The following TRAPPC9 variants were observed in gnomAD, a reference collection of about 807,000 sequenced individuals.
The protein encoded by TRAPPC9 is IKK2 binding protein.
In TRAPPC9, 83 loss-of-function variants were observed where a neutral mutation model predicts 124.0. The ratio of observed to expected loss-of-function variants is 0.67; its 90% CI spans 0.56 to 0.80. TRAPPC9 has a LOEUF of 0.80. TRAPPC9 is among the 30% of genes least tolerant of loss of function. The probability of loss-of-function intolerance (pLI) is 0.00; values close to 1 mark genes in which losing one functional copy is unlikely to be tolerated. For missense variants in TRAPPC9, 1,302 were observed against 1,508.3 expected (o/e 0.86, Z 2.27); for synonymous variants, 638 against 617.5 (o/e 1.03, Z -0.49).
intron 17 of TRAPPC9, among the ~76,000 whole-genome samples, chr8:140,181,822 G>A (rs999271666): frequency 6.6e-5 from 10 of 152,060 alleles, no homozygotes; most frequent in East Asian, 3.9e-4. Flanking sequence ...CTGTACACTC[G>A]TGCTCCACAG....
At chr8:140,442,860 C>T (rs984585944) in intron 2 of TRAPPC9, among the ~76,000 whole-genome samples, 5 of 151,896 alleles carry the variant, frequency 3.3e-5, no homozygotes, top group African/African-American at 7.3e-5. Context: ...TTGGGCCTGG[C>T]GAGGTGGCTC....
rs4736103 is a variant in TRAPPC9 at position 139,841,827 on chromosome 8, C to A, written c.3055+44052G>T. Among the ~76,000 whole-genome samples the A allele has an allele frequency of 1.0e-3, 157 of 152,322 alleles. 2 individuals carry two copies. The highest frequency in any genetic ancestry group is 8.8e-3 in the Admixed American group (135 of 15,306). On this transcript the variant is annotated intron_variant, in intron 21 of 22. Coordinates refer to ENST00000438773, the MANE Select transcript of TRAPPC9 (RefSeq NM_001160372.4). ...AAGGCCAAGTGACAGAGTTCCAGGA[C>A]GAAGCCACCACCCACTGGGGAGCAG... is the stretch of plus-strand genomic sequence containing the variant.
At chr8:140,332,585 A>T (rs1369232220) in intron 9 of TRAPPC9, among the ~76,000 whole-genome samples, 3 of 152,186 alleles carry the variant, frequency 2.0e-5, no homozygotes, top group African/African-American at 2.4e-5. Context: ...TACCACATAA[A>T]CATATACAAT....
At chr8:140,084,610 T>C (rs1002290157) in intron 17 of TRAPPC9, among the ~76,000 whole-genome samples, 5 of 152,222 alleles carry the variant, frequency 3.3e-5, no homozygotes, top group African/African-American at 1.2e-4. Context: ...TGAGTTCTTC[T>C]GCCCAAGAAC....
At chr8:139,963,995 C>A (rs1460557941) in intron 19 of TRAPPC9, among the ~76,000 whole-genome samples, 1 of 152,066 alleles carries the variant, frequency 6.6e-6, no homozygotes, top group East Asian at 1.9e-4. Context: ...GAGGCCGAGG[C>A]GGGTGGATCA....
chr8:140,083,183 A>T (rs1414695134), intron 17 of TRAPPC9, among the ~76,000 whole-genome samples: 1 of 132,190 alleles, frequency 7.6e-6, no homozygotes, highest in Admixed American at 8.0e-5. Context: ...ACAGAATGAG[A>T]CTCCATCTCA....
intron 20 of TRAPPC9, among the ~76,000 whole-genome samples, chr8:139,905,283 T>C (rs1036311455): frequency 6.6e-6 from 1 of 152,096 alleles, no homozygotes; most frequent in African/African-American, 2.4e-5. Context: ...ATCAGCAGGC[T>C]GATGTGGGCA....
intron 17 of TRAPPC9, among the ~76,000 whole-genome samples, chr8:140,042,521 C>T (rs1841338429): frequency 6.6e-6 from 1 of 152,170 alleles, no homozygotes; most frequent in South Asian, 2.1e-4. Flanking sequence ...ATTAGTTCCC[C>T]ACTTTTTCAG....
At chr8:139,863,771 T>G (rs1828332407) in intron 21 of TRAPPC9, among the ~76,000 whole-genome samples, 1 of 152,186 alleles carries the variant, frequency 6.6e-6, no homozygotes, top group Admixed American at 6.5e-5. Flanking sequence ...TCATCCCCAC[T>G]GGCTGTGTCT....
chr8:140,115,741 A>G (rs890029414), intron 17 of TRAPPC9, among the ~76,000 whole-genome samples: 9 of 152,078 alleles, frequency 5.9e-5, no homozygotes, highest in African/African-American at 1.7e-4. Flanking sequence ...CGAAGGGGAG[A>G]GCATACAGCC....
At position 139,825,593 on chromosome 8, in the gene TRAPPC9, T is replaced by G. The variant is rs1224416428; in HGVS notation, c.3055+60286A>C. Among the ~76,000 whole-genome samples, 3 of 152,202 alleles carry G rather than the reference T, an allele frequency of 2.0e-5. No individual in the cohort carries two copies. Among genetic ancestry groups the G allele is most frequent in the African/African-American group, 7.2e-5 (3 of 41,452 alleles). On this transcript the variant is annotated intron_variant, in intron 21 of 22. Transcript: ENST00000438773. This position sits in a 1 kb window ranked among gnomAD's most constrained non-coding sequence, Gnocchi z 4.6. ...AATGTTCCCAAGAAAAATGGAAATT[T>G]AATTTCCATAGTAAGTTCTGAGAAA... is the stretch of plus-strand genomic sequence containing the variant.
In TRAPPC9 at chr8:140,397,603, G is replaced by A; in HGVS notation, c.1134+17C>T. On this transcript the variant is annotated intron_variant, in intron 7 of 22. Transcript: ENST00000438773. ...AACTGGATGAACTCTTCCACTTACA[G>A]GTAGACATACACTCACCTGTCGAAG... The A allele has an allele frequency of 6.2e-7, 1 of 1,613,678 alleles. No individual in the cohort carries two copies. The highest frequency in any genetic ancestry group is 1.3e-5 in the African/African-American group (1 of 75,014).
Position 140,025,183 on chromosome 8 carries a change from G to C in TRAPPC9, c.2557-1104C>G, listed in dbSNP as rs988770144. Among the ~76,000 whole-genome samples, 4 of 152,336 alleles carry C rather than the reference G, an allele frequency of 2.6e-5. No individual in the cohort carries two copies. In the East Asian group the frequency reaches 7.7e-4, roughly 29 times the overall value. Reference sequence around the variant, plus strand: ...GGAATGTGGAGCCTGGGGGCACCCAGAGTAACCACAGCAACAAGAAGTTCA... The same window carrying C: ...GGAATGTGGAGCCTGGGGGCACCCACAGTAACCACAGCAACAAGAAGTTCA... On this transcript the variant is annotated intron_variant, in intron 17 of 22. Coordinates refer to ENST00000438773, the MANE Select transcript of TRAPPC9 (RefSeq NM_001160372.4).
At chr8:140,410,622 C>T (rs988366670) in intron 5 of TRAPPC9, among the ~76,000 whole-genome samples, 2 of 152,020 alleles carry the variant, frequency 1.3e-5, no homozygotes, top group Admixed American at 6.6e-5. Flanking sequence ...GGCGGGCGGA[C>T]CACAAGGTCA....
chr8:140,313,973 C>T (rs980190769), intron 9 of TRAPPC9, among the ~76,000 whole-genome samples: 7 of 152,156 alleles, frequency 4.6e-5, no homozygotes, highest in African/African-American at 1.7e-4. Flanking sequence ...CATCCACCTT[C>T]TCCTAAAGGA....
intron 17 of TRAPPC9, among the ~76,000 whole-genome samples, chr8:140,034,203 T>G: frequency 6.6e-6 from 1 of 152,238 alleles, no homozygotes; most frequent in South Asian, 2.1e-4. Context: ...AATAAATGCT[T>G]GCTAAGTAGA....
At chr8:140,286,242 G>A (rs1285777895) in intron 13 of TRAPPC9, among the ~76,000 whole-genome samples, 1 of 152,186 alleles carries the variant, frequency 6.6e-6, no homozygotes, top group Non-Finnish European at 1.5e-5. Context: ...GACTGAAGTA[G>A]GAGGGGAGAG....
chr8:140,365,296 G>C (rs1336010774), intron 8 of TRAPPC9, among the ~76,000 whole-genome samples: 1 of 152,144 alleles, frequency 6.6e-6, no homozygotes, highest in African/African-American at 2.4e-5. Flanking sequence ...CAGCTGGTCA[G>C]TAATGGCGTC....
intron 6 of TRAPPC9, among the ~76,000 whole-genome samples, chr8:140,400,516 T>C (rs1279515963): frequency 2.0e-5 from 3 of 152,246 alleles, no homozygotes; most frequent in African/African-American, 7.2e-5. Flanking sequence ...TCCGGCTCCC[T>C]GTGTGCTCAA....
Sources: gnomAD v4.1 joint callset for allele counts (sites outside exome capture counted in the v4.1 genomes callset) on GRCh38, gnomAD v4.1.1 for gene constraint, Gnocchi (gnomAD v3.1) non-coding constraint, MANE v1.5 for transcripts, NCBI Gene and HGNC (gene_info 2026-07-23, HGNC 2026-07-21) for gene names.